ATR: variants seen among roughly 807,000 people sequenced by gnomAD.
ATR encodes the protein ATR checkpoint kinase.
In ATR, 142 loss-of-function variants were observed where a neutral mutation model predicts 305.3. The observed-to-expected ratio is 0.47, with a 90% CI of 0.41 to 0.53. The LOEUF (loss-of-function observed/expected upper bound fraction) is 0.53, where lower values mean the gene tolerates loss of function less well. Among genes scored for constraint, ATR ranks in the 20% least tolerant of loss-of-function variants. The probability of loss-of-function intolerance (pLI) is 0.00; values close to 1 mark genes in which losing one functional copy is unlikely to be tolerated. For synonymous variants in ATR, 1,050 were observed against 1,068.1 expected (o/e 0.98, Z 0.33); for missense variants, 2,135 against 3,133.1 (o/e 0.68, Z 7.60).
intron 27 of ATR, among the ~76,000 whole-genome samples, chr3:142,511,757 TC>T (rs2032580722): frequency 6.6e-6 from 1 of 151,800 alleles, no homozygotes; most frequent in Non-Finnish European, 1.5e-5. Flanking sequence ...GAGAGAAAGG[TC>T]TTATTACTAT....
chr3:142,572,697 C>G (rs559727850), intron 1 of ATR, among the ~76,000 whole-genome samples: 1 of 152,044 alleles, frequency 6.6e-6, no homozygotes, highest in Non-Finnish European at 1.5e-5. Context: ...ATCGCTTGAG[C>G]CTGGGAGGCT....
chr3:142,547,390 A>G (rs983151357), intron 16 of ATR, among the ~76,000 whole-genome samples: 1 of 152,214 alleles, frequency 6.6e-6, no homozygotes, highest in Non-Finnish European at 1.5e-5. Flanking sequence ...ATAAACTTCA[A>G]CATTTTTATT....
At chr3:142,493,783 G>A (rs1427669036) in intron 34 of ATR, among the ~76,000 whole-genome samples, 1 of 151,824 alleles carries the variant, frequency 6.6e-6, no homozygotes, top group South Asian at 2.1e-4. Flanking sequence ...GGGAAGGATC[G>A]CTTGAGCCCA....
intron 21 of ATR, among the ~76,000 whole-genome samples, chr3:142,532,790 C>A (rs974748276): frequency 6.6e-6 from 1 of 152,170 alleles, no homozygotes; most frequent in Admixed American, 6.5e-5. Flanking sequence ...CTTAAAGTAT[C>A]TTTTCCTCTC....
chr3:142,529,027 G>A (rs1219392418), intron 21 of ATR, among the ~76,000 whole-genome samples: 8 of 150,108 alleles, frequency 5.3e-5, no homozygotes, highest in Admixed American at 1.3e-4. Context: ...GGGATTACAG[G>A]TGCGCCATCA....
chr3:142,567,660 T>C (rs2035119492), intron 2 of ATR, among the ~76,000 whole-genome samples: 5 of 152,310 alleles, frequency 3.3e-5, no homozygotes, highest in East Asian at 1.9e-4. Flanking sequence ...TAATCTCCTA[T>C]AGGCACAGGC....
intron 30 of ATR, among the ~76,000 whole-genome samples, chr3:142,502,215 G>T (rs559883171): frequency 6.6e-6 from 1 of 152,112 alleles, no homozygotes; most frequent in Non-Finnish European, 1.5e-5. Context: ...CCATTACTGG[G>T]TATATTCCCA....
intron 36 of ATR, among the ~76,000 whole-genome samples, chr3:142,471,236 G>A (rs1212606203): frequency 6.6e-6 from 1 of 152,114 alleles, no homozygotes; most frequent in African/African-American, 2.4e-5. Context: ...ATTTCACTTA[G>A]CATAATGTCC....
rs1318877482 is a variant in ATR at position 142,484,735 on chromosome 3, A to T, written c.6221+405T>A. ...ATGGTCTTGTGTCACCAAGCCCTCAACCTCTGAGGTATGACACCGTCTCCA... is the reference window on the plus strand; with the variant it reads ...ATGGTCTTGTGTCACCAAGCCCTCATCCTCTGAGGTATGACACCGTCTCCA... On this transcript the variant is annotated intron_variant, in intron 36 of 46. Coordinates refer to ENST00000350721, the MANE Select transcript of ATR (RefSeq NM_001184.4). 2.6e-5 allele frequency among the ~76,000 whole-genome samples: 4 copies of T among 152,062 alleles called. No homozygotes were observed. The East Asian group carries it at 7.7e-4, about 29-fold the overall frequency.
chr3:142,455,088 A>C (rs1038889157), intron 45 of ATR, among the ~76,000 whole-genome samples: 1 of 152,230 alleles, frequency 6.6e-6, no homozygotes, highest in Non-Finnish European at 1.5e-5. Context: ...TACAATATCA[A>C]TATATAAATA....
chr3:142,497,163 C>T lies in ATR; in HGVS notation c.5588G>A (p.Ser1863Asn), dbSNP rs2108336752. 3 of 1,613,992 alleles carry T rather than the reference C, an allele frequency of 1.9e-6. No individual in the cohort carries two copies. Among genetic ancestry groups the T allele is most frequent in the Non-Finnish European group, 1.7e-6 (2 of 1,179,986 alleles). The part of the protein sequence containing the change: ...RLHMLCELEH[S>N]IKPLFQHSPG... ...AGAATGCTGGAAAAGTGGTTTGATG[C>T]TATGCTCCAACTCACATAACATGTG... The change falls in exon 33 of 47, where the codon AGC (serine) becomes AAC (asparagine). Residue 1863 changes from serine to asparagine, a missense_variant. By Grantham distance (46) the Ser-to-Asn change is conservative. This residue lies in a region of ATR where 117 missense variants were observed against 198.3 expected (regional missense o/e 0.59). Transcript: ENST00000350721.
chr3:142,565,583 G>A (rs1021096023), intron 3 of ATR, among the ~76,000 whole-genome samples: 2 of 151,908 alleles, frequency 1.3e-5, no homozygotes, highest in African/African-American at 4.8e-5. Context: ...GCATGGCTGT[G>A]TTCTAATAAA....
rs371805767 is a variant in ATR, at chr3:142,498,574, T to C, written c.5558+23A>G. ...AGGTGACATTTATAGGCCAGAAATATAAAAATGGAAATTCCAAAATACCTC... is the reference window on the plus strand; with the variant it reads ...AGGTGACATTTATAGGCCAGAAATACAAAAATGGAAATTCCAAAATACCTC... On this transcript the variant is annotated intron_variant, in intron 32 of 46. Transcript: ENST00000350721. 7 of 1,609,954 alleles carry C rather than the reference T, an allele frequency of 4.3e-6. No individual in the cohort carries two copies. In the African/African-American group the frequency reaches 9.4e-5, roughly 22 times the overall value.
intron 36 of ATR, among the ~76,000 whole-genome samples, chr3:142,477,028 T>C (rs541390980): frequency 1.3e-5 from 2 of 152,336 alleles, no homozygotes; most frequent in South Asian, 2.1e-4. Flanking sequence ...TATACAATCA[T>C]GTCGTCTGCA....
At chr3:142,536,647 A>G (rs2033871330) in intron 19 of ATR, among the ~76,000 whole-genome samples, 1 of 152,134 alleles carries the variant, frequency 6.6e-6, no homozygotes, top group Non-Finnish European at 1.5e-5. Context: ...GTACAGAGAG[A>G]CAGACTGTGA....
At chr3:142,496,740 G>C (rs1219278596) in intron 33 of ATR, among the ~76,000 whole-genome samples, 3 of 152,074 alleles carry the variant, frequency 2.0e-5, no homozygotes. Flanking sequence ...ACAGTGTTCT[G>C]TTTTACCTAT....
rs528164893 is a variant in ATR, at chr3:142,452,395, CT to C, written c.7761+732del. On this transcript the variant is annotated intron_variant, in intron 46 of 46. Coordinates refer to ENST00000350721, the MANE Select transcript of ATR (RefSeq NM_001184.4). ...AACTTATTAAAAACAACTATCTGAG[CT>C]AGGCACAGTGGCTTATGCCTATAAT... The C allele has an allele frequency of 2.3e-3, 2,261 of 987,302 alleles. 4 individuals are homozygous for C. Among genetic ancestry groups the C allele is most frequent in the Non-Finnish European group, 2.5e-3 (2,113 of 831,416 alleles). The allele number at this position is 987,302 out of a possible 1,614,324, so 61.2% of individuals were successfully genotyped here.
Position 142,452,261 on chromosome 3 carries a change from T to G in ATR, c.7761+867A>C, listed in dbSNP as rs1057450614. The G allele has an allele frequency of 1.5e-4, 154 of 995,128 alleles. No individual in the cohort carries two copies. In the African/African-American group the frequency reaches 2.5e-3, roughly 16 times the overall value. 61.6% of individuals were successfully genotyped at this position (995,128 alleles called of 1,614,324 possible). A position where few individuals can be genotyped will look rare whatever the true frequency, so the allele number is the denominator to read the frequency against. ...TAACTGGAATGTAAATTTTTAATCT[T>G]TATTAGCATATAGTTGGTATAATTC... On this transcript the variant is annotated intron_variant, in intron 46 of 46. Transcript: ENST00000350721.
intron 35 of ATR, among the ~76,000 whole-genome samples, chr3:142,488,463 T>C (rs1006913011): frequency 5.3e-5 from 8 of 152,192 alleles, no homozygotes; most frequent in African/African-American, 1.9e-4. Flanking sequence ...CTCAGATAGA[T>C]TGGAGGTCAC....
Sources: allele counts gnomAD v4.1 joint callset (sites outside exome capture counted in the v4.1 genomes callset), GRCh38; gene constraint gnomAD v4.1.1; regional missense constraint gnomAD v4.1.1; transcripts MANE v1.5; gene names NCBI Gene and HGNC (gene_info 2026-07-23, HGNC 2026-07-21).